CD44: variants seen among roughly 807,000 people sequenced by gnomAD.
CD44 encodes the protein CD44 antigen.
Under a neutral mutation model 88.8 loss-of-function variants are expected in CD44, and 49 were observed. The observed-to-expected ratio is 0.55, with a 90% CI of 0.44 to 0.70. The LOEUF (loss-of-function observed/expected upper bound fraction) is 0.70, where lower values mean the gene tolerates loss of function less well. CD44 is among the 30% of genes least tolerant of loss of function. CD44 has a pLI of 0.00. For synonymous variants in CD44, 325 were observed against 312.3 expected (o/e 1.04, Z -0.43); for missense variants, 883 against 913.8 (o/e 0.97, Z 0.43).
chr11:35,176,814 G>T, intron 2 of CD44, 74 bp downstream of exon 2: 1 of 1,423,062 alleles, frequency 7.0e-7, no homozygotes, highest in Non-Finnish European at 9.6e-7. Flanking sequence ...GAACTGGAAG[G>T]CTCCTTTCCC....
intron 3 of CD44, among the ~76,000 whole-genome samples, chr11:35,181,905 T>TATTATATATGATATATTATATATA (rs1291148360): frequency 1.5e-5 from 1 of 66,104 alleles, no homozygotes; most frequent in Non-Finnish European, 2.6e-5. Flanking sequence ...ATATAATATA[T>TATTATATATGATATATTATATATA]AATATATATT....
chr11:35,158,679 C>T (rs1172700359), intron 1 of CD44, among the ~76,000 whole-genome samples: 1 of 152,210 alleles, frequency 6.6e-6, no homozygotes, highest in African/African-American at 2.4e-5. Flanking sequence ...GGAAGATTTT[C>T]ATCCCATTTC....
At chr11:35,187,022 C>T (rs1945750440) in intron 4 of CD44, 122 bp downstream of exon 4, 9 of 657,876 alleles carry the variant, frequency 1.4e-5, no homozygotes, top group Non-Finnish European at 2.2e-5. Context: ...CCTGTAATCC[C>T]AGCACTTTGG....
rs952317058 is a variant in CD44 at position 35,229,411 on chromosome 11, C to G, written c.*78C>G. 1 of 823,624 alleles carries G rather than the reference C, an allele frequency of 1.2e-6. No individual in the cohort carries two copies. The highest frequency in any genetic ancestry group is 2.0e-6 in the Non-Finnish European group (1 of 498,900). The allele number at this position is 823,624 out of a possible 1,614,324, so 51.0% of individuals were successfully genotyped here. On this transcript the variant is annotated 3_prime_UTR_variant, in exon 18 of 18. Transcript: ENST00000428726. ...AGGGAGCTGGGACACTTAACAGATG[C>G]AATGTGCTACTGATTGTTTCATTGC...
At chr11:35,195,661 G>C (rs1946670309) in intron 5 of CD44, among the ~76,000 whole-genome samples, 1 of 151,852 alleles carries the variant, frequency 6.6e-6, no homozygotes, top group African/African-American at 2.4e-5. Flanking sequence ...TTTGTCTACT[G>C]TTAGCTCATA....
intron 1 of CD44, among the ~76,000 whole-genome samples, chr11:35,158,761 T>C (rs1280614106): frequency 1.3e-5 from 2 of 152,210 alleles, no homozygotes; most frequent in African/African-American, 4.8e-5. Context: ...TGACACTATG[T>C]GCATACAGGC....
chr11:35,190,157 TTCTCG>T (rs2133891301), intron 5 of CD44, 92 bp downstream of exon 5: 3 of 1,119,368 alleles, frequency 2.7e-6, no homozygotes, highest in Non-Finnish European at 4.0e-6. Context: ...CGTGCTGATT[TTCTCG>T]TCTCTAGACA....
chr11:35,162,346 G>A (rs182864558), intron 1 of CD44, among the ~76,000 whole-genome samples: 10 of 152,182 alleles, frequency 6.6e-5, no homozygotes, highest in Middle Eastern at 3.4e-3. Context: ...CATGTATGAG[G>A]GTCATTTATT....
intron 14 of CD44, among the ~76,000 whole-genome samples, chr11:35,211,864 G>C (rs1339925224): frequency 6.6e-6 from 1 of 152,034 alleles, no homozygotes; most frequent in African/African-American, 2.4e-5. Flanking sequence ...TATTTTGTAA[G>C]GTTTTATCCT....
At chr11:35,198,349 T>G in intron 7 of CD44, 103 bp downstream of exon 7, 1 of 1,048,374 alleles carries the variant, frequency 9.5e-7, no homozygotes, top group Non-Finnish European at 1.4e-6. Flanking sequence ...ATGTGAAAAA[T>G]GGGTGAACCT....
chr11:35,190,735 GT>G (rs947238084), intron 5 of CD44, among the ~76,000 whole-genome samples: 2 of 152,168 alleles, frequency 1.3e-5, no homozygotes, highest in African/African-American at 4.8e-5. Flanking sequence ...CAATTCCTTT[GT>G]TTTTAGTCCA....
chr11:35,214,005 A>T (rs1424436377), intron 14 of CD44: 1 of 152,112 alleles, frequency 6.6e-6, no homozygotes, highest in Non-Finnish European at 1.5e-5. Flanking sequence ...ATTAAAAAAA[A>T]AAAAAGATTC....
chr11:35,163,862 C>G (rs1942950316), intron 1 of CD44, among the ~76,000 whole-genome samples: 1 of 152,254 alleles, frequency 6.6e-6, no homozygotes, highest in African/African-American at 2.4e-5. Flanking sequence ...TTGCATGTGG[C>G]CCCTGAGAAA....
intron 5 of CD44, among the ~76,000 whole-genome samples, chr11:35,192,790 C>CTTTTTT (rs35505196): frequency 9.1e-6 from 1 of 109,572 alleles, no homozygotes. Context: ...GGAATTCTTT[C>CTTTTTT]TTTTTTTTTT....
At chr11:35,183,474 A>T (rs78938591) in intron 3 of CD44, among the ~76,000 whole-genome samples, 2,297 of 152,280 alleles carry the variant, frequency 0.015, 63 homozygotes, top group African/African-American at 0.052. Context: ...CCCTATGCAA[A>T]GATTTCATTG....
chr11:35,180,557 T>G (rs1944890598), intron 3 of CD44, 150 bp downstream of exon 3: 15 of 829,032 alleles, frequency 1.8e-5, no homozygotes, highest in Non-Finnish European at 2.7e-5. Flanking sequence ...CCTGTCTCCA[T>G]GGAGCTTACA....
At chr11:35,187,669 T>G (rs1007923106) in intron 4 of CD44, among the ~76,000 whole-genome samples, 2 of 152,218 alleles carry the variant, frequency 1.3e-5, no homozygotes, top group African/African-American at 4.8e-5. Flanking sequence ...CTGAGTCATG[T>G]TCTCTCTTAT....
intron 9 of CD44, among the ~76,000 whole-genome samples, chr11:35,204,114 T>C (rs545935238): frequency 9.2e-5 from 14 of 152,310 alleles, no homozygotes; most frequent in Admixed American, 7.2e-4. Flanking sequence ...TATTAGCTGT[T>C]ATACAGTGTT....
intron 1 of CD44, among the ~76,000 whole-genome samples, chr11:35,174,532 T>C (rs1490586616): frequency 1.3e-5 from 2 of 152,222 alleles, no homozygotes; most frequent in Admixed American, 6.5e-5. Context: ...GGGGGTCATA[T>C]AGTCCCAGGA....
Sources: allele counts gnomAD v4.1 joint callset (sites outside exome capture counted in the v4.1 genomes callset), GRCh38; gene constraint gnomAD v4.1.1; transcripts MANE v1.5; gene names NCBI Gene and HGNC (gene_info 2026-07-23, HGNC 2026-07-21).